SLC9A9: variants seen among roughly 807,000 people sequenced by gnomAD.
SLC9A9 encodes sodium/hydrogen exchanger 9.
Under a neutral mutation model 77.8 loss-of-function variants are expected in SLC9A9, and 62 were observed. The observed-to-expected ratio is 0.80, with a 90% CI of 0.65 to 0.98. The LOEUF is 0.98. Among genes scored for constraint, SLC9A9 ranks in the 50% least tolerant of loss-of-function variants. The pLI is 0.00. For missense variants in SLC9A9, 775 were observed against 774.9 expected (o/e 1.00, Z 0.00); for synonymous variants, 320 against 283.5 (o/e 1.13, Z -1.29).
intron 6 of SLC9A9, among the ~76,000 whole-genome samples, chr3:143,639,178 C>T (rs2038579696): frequency 6.6e-6 from 1 of 152,194 alleles, no homozygotes; most frequent in South Asian, 2.1e-4. Context: ...ACCTACCCTC[C>T]ACCCCCTGAA....
intron 2 of SLC9A9, among the ~76,000 whole-genome samples, chr3:143,829,012 A>G (rs1324927622): frequency 2.0e-5 from 3 of 152,208 alleles, no homozygotes; most frequent in African/African-American, 4.8e-5. Context: ...TCACACAGTC[A>G]TCAGTATGTT....
intron 1 of SLC9A9, among the ~76,000 whole-genome samples, chr3:143,838,590 T>TTTAC (rs2009631905): frequency 6.6e-6 from 1 of 152,152 alleles, no homozygotes; most frequent in Non-Finnish European, 1.5e-5. Flanking sequence ...GTTAACATCA[T>TTTAC]ATTTAGTCTA....
chr3:143,270,474 G>A (rs1222507110), intron 14 of SLC9A9, among the ~76,000 whole-genome samples: 2 of 152,116 alleles, frequency 1.3e-5, no homozygotes, highest in Non-Finnish European at 2.9e-5. Flanking sequence ...CCCTGCTGGG[G>A]AGCTGCAGAC....
Position 143,266,504 on chromosome 3 carries a change from C to G in SLC9A9, c.*198G>C, listed in dbSNP as rs1937723643. 3 of 631,034 alleles carry G rather than the reference C, an allele frequency of 4.8e-6. No homozygotes were observed. The Admixed American group carries it at 7.9e-5, about 17-fold the overall frequency. 39.1% of individuals were successfully genotyped at this position (631,034 alleles called of 1,614,324 possible). On this transcript the variant is annotated 3_prime_UTR_variant, in exon 16 of 16. Coordinates refer to ENST00000316549, the MANE Select transcript of SLC9A9 (RefSeq NM_173653.4). ...ATGGCTGCTGTCAAAAAACTAAATTCATTTGCATAATAGAGAGGGATAATA... is the reference window on the plus strand; with the variant it reads ...ATGGCTGCTGTCAAAAAACTAAATTGATTTGCATAATAGAGAGGGATAATA...
At chr3:143,359,514 G>A (rs2108480867) in intron 14 of SLC9A9, among the ~76,000 whole-genome samples, 1 of 152,302 alleles carries the variant, frequency 6.6e-6, no homozygotes, top group Non-Finnish European at 1.5e-5. Context: ...AAATGCCTGA[G>A]AGAAGAGCCA....
chr3:143,435,803 C>G (rs1308114316), intron 12 of SLC9A9, among the ~76,000 whole-genome samples: 1 of 152,088 alleles, frequency 6.6e-6, no homozygotes, highest in African/African-American at 2.4e-5. Flanking sequence ...TAGCTTAGTG[C>G]CACACAGCCT....
At position 143,778,644 on chromosome 3, in the gene SLC9A9, T is replaced by G. The variant is rs541278425; in HGVS notation, c.533+16357A>C. On this transcript the variant is annotated intron_variant, in intron 4 of 15. Coordinates refer to ENST00000316549, the MANE Select transcript of SLC9A9 (RefSeq NM_173653.4). Reference sequence around the variant, plus strand: ...ATCTTTATAAGTAGCTGTATTTTCCTAATCAGATATATAGAAAATTAGTTA... The same window carrying G: ...ATCTTTATAAGTAGCTGTATTTTCCGAATCAGATATATAGAAAATTAGTTA... Among the ~76,000 whole-genome samples, 3 of 152,290 alleles carry G rather than the reference T, an allele frequency of 2.0e-5. No homozygotes were observed. In the South Asian group the frequency reaches 6.2e-4, roughly 32 times the overall value.
rs573127618 is a variant in SLC9A9 at position 143,635,889 on chromosome 3, G to A, written c.755+16366C>T. Among the ~76,000 whole-genome samples the A allele has an allele frequency of 2.0e-5, 3 of 152,272 alleles. No homozygotes were observed. In the East Asian group the frequency reaches 5.8e-4, roughly 29 times the overall value. ...TAAATATTTCATAGTTTATAGTTTG[G>A]AGTTGTGAATACTTTCCTGTTTCAA... is the stretch of plus-strand genomic sequence containing the variant. On this transcript the variant is annotated intron_variant, in intron 6 of 15. Coordinates refer to ENST00000316549, the MANE Select transcript of SLC9A9 (RefSeq NM_173653.4).
At chr3:143,442,523 C>T (rs1037051515) in intron 12 of SLC9A9, among the ~76,000 whole-genome samples, 2 of 152,074 alleles carry the variant, frequency 1.3e-5, no homozygotes, top group Non-Finnish European at 2.9e-5. Flanking sequence ...GAGTTCAAGG[C>T]CAGCATGGCC....
At position 143,776,403 on chromosome 3, in the gene SLC9A9, C is replaced by A. The variant is rs775451489; in HGVS notation, c.533+18598G>T. ...ATGTTCTTGTTAGTGATTTAATGGA[C>A]TGATACAGTGGAGTTATAAACTAGT... On this transcript the variant is annotated intron_variant, in intron 4 of 15. Coordinates refer to ENST00000316549, the MANE Select transcript of SLC9A9 (RefSeq NM_173653.4). Among the ~76,000 whole-genome samples the A allele has an allele frequency of 3.6e-4, 55 of 152,280 alleles. 1 individual carries two copies. In the Middle Eastern group the frequency reaches 0.014, roughly 38 times the overall value.
In SLC9A9 at chr3:143,778,037, C is replaced by CAAAAAAAAAAAAAAAAAAA. The variant is rs748982877; in HGVS notation, c.533+16963_533+16964insTTTTTTTTTTTTTTTTTTT. On this transcript the variant is annotated intron_variant, in intron 4 of 15. Transcript: ENST00000316549. ...CCGTCACTGATACTTTTATAAAATG[C>CAAAAAAAAAAAAAAAAAAA]AAAAAAAAAAAAAAAGATGCTGAAT... 1.5e-4 allele frequency among the ~76,000 whole-genome samples: 11 copies of CAAAAAAAAAAAAAAAAAAA among 75,562 alleles called. 2 individuals are homozygous for CAAAAAAAAAAAAAAAAAAA. Among genetic ancestry groups the CAAAAAAAAAAAAAAAAAAA allele is most frequent in the East Asian group, 1.1e-3 (2 of 1,780 alleles). The allele number at this position is 75,562 out of a possible 152,430, so 49.6% of individuals were successfully genotyped here. A position where few individuals can be genotyped will look rare whatever the true frequency, so the allele number is the denominator to read the frequency against.
At chr3:143,493,149 C>A (rs985201721) in intron 11 of SLC9A9, among the ~76,000 whole-genome samples, 2 of 152,168 alleles carry the variant, frequency 1.3e-5, no homozygotes, top group South Asian at 2.1e-4. Flanking sequence ...AATTAATATT[C>A]GTTTTCTCAA....
At chr3:143,687,151 G>T (rs867397239) in intron 5 of SLC9A9, among the ~76,000 whole-genome samples, 6 of 152,250 alleles carry the variant, frequency 3.9e-5, no homozygotes, top group African/African-American at 7.2e-5. Flanking sequence ...ATCGAAAATT[G>T]GCTGAGAGTC....
chr3:143,836,279 A>T (rs2009565128), intron 1 of SLC9A9, among the ~76,000 whole-genome samples: 1 of 152,196 alleles, frequency 6.6e-6, no homozygotes, highest in East Asian at 1.9e-4. Context: ...TTCTTTACAG[A>T]TCTTGGCTTT....
intron 14 of SLC9A9, among the ~76,000 whole-genome samples, chr3:143,285,241 A>G (rs914260051): frequency 6.6e-6 from 1 of 151,928 alleles, no homozygotes; most frequent in Non-Finnish European, 1.5e-5. Context: ...CTAGCCCCCC[A>G]CACCCCAACA....
At chr3:143,820,769 T>A (rs2009145269) in intron 2 of SLC9A9, among the ~76,000 whole-genome samples, 1 of 152,184 alleles carries the variant, frequency 6.6e-6, no homozygotes, top group Admixed American at 6.5e-5. Context: ...ACTTTGCACA[T>A]CAACAATGAT....
intron 6 of SLC9A9, among the ~76,000 whole-genome samples, chr3:143,648,472 G>A (rs968528476): frequency 2.0e-5 from 3 of 152,198 alleles, no homozygotes; most frequent in Non-Finnish European, 2.9e-5. Flanking sequence ...GCGGAGCTCA[G>A]GCAGTACTGC....
chr3:143,319,304 A>T (rs937433641), intron 14 of SLC9A9, among the ~76,000 whole-genome samples: 3 of 152,222 alleles, frequency 2.0e-5, no homozygotes, highest in African/African-American at 7.2e-5. Context: ...GGGGAGTCCT[A>T]TAAATGTCCT....
At chr3:143,650,770 A>C (rs2038782405) in intron 6 of SLC9A9, among the ~76,000 whole-genome samples, 1 of 152,210 alleles carries the variant, frequency 6.6e-6, no homozygotes, top group South Asian at 2.1e-4. Flanking sequence ...TTAAGACATT[A>C]TGAAGACATG....
Sources: gnomAD v4.1 joint callset for allele counts (sites outside exome capture counted in the v4.1 genomes callset) on GRCh38, gnomAD v4.1.1 for gene constraint, MANE v1.5 for transcripts, NCBI Gene and HGNC (gene_info 2026-07-23, HGNC 2026-07-21) for gene names.